Variants in DACH1 observed in about 807,000 individuals in gnomAD.
The protein encoded by DACH1 is dachshund family transcription factor 1.
In DACH1, 12 loss-of-function variants were observed where a neutral mutation model predicts 54.2. The observed-to-expected ratio is 0.22, with a 90% CI of 0.14 to 0.36. DACH1 has a LOEUF of 0.36. Among genes scored for constraint, DACH1 ranks in the 10% least tolerant of loss-of-function variants. The pLI is 1.00. For missense variants in DACH1, 805 were observed against 929.8 expected (o/e 0.87, Z 1.75); for synonymous variants, 386 against 366.2 (o/e 1.05, Z -0.62).
At chr13:71,657,261 C>T (rs2138641731) in intron 2 of DACH1, among the ~76,000 whole-genome samples, 1 of 151,854 alleles carries the variant, frequency 6.6e-6, no homozygotes, top group South Asian at 2.1e-4. Context: ...AAAATGCTTC[C>T]TAGGCCGGGT....
chr13:71,456,334 G>A (rs1196227464), intron 10 of DACH1, among the ~76,000 whole-genome samples: 1 of 151,994 alleles, frequency 6.6e-6, no homozygotes, highest in Admixed American at 6.6e-5. Context: ...CCTGGGTCAT[G>A]GTAACATAGG....
chr13:71,857,660 A>T (rs1874091357), intron 1 of DACH1, among the ~76,000 whole-genome samples: 1 of 151,700 alleles, frequency 6.6e-6, no homozygotes, highest in African/African-American at 2.4e-5. Context: ...ATTCATCCTC[A>T]TATAAAATGT....
chr13:71,575,745 T>G (rs1885488672), intron 3 of DACH1, among the ~76,000 whole-genome samples: 1 of 152,038 alleles, frequency 6.6e-6, no homozygotes, highest in Non-Finnish European at 1.5e-5. Context: ...CTATATTAGA[T>G]TTTCTCACTA....
chr13:71,636,124 C>G (rs1877473856), intron 2 of DACH1, among the ~76,000 whole-genome samples: 1 of 152,010 alleles, frequency 6.6e-6, no homozygotes, highest in African/African-American at 2.4e-5. Flanking sequence ...ATTTCTCCCT[C>G]AGAACTAGGC....
At position 71,749,898 on chromosome 13, in the gene DACH1, G is replaced by A. The variant is rs534284425; in HGVS notation, c.849-67988C>T. ...TAGATAAGCGGAGAGCTGAGGATCC[G>A]GAGAGGAATGATTGAAGAAAGGGAC... On this transcript the variant is annotated intron_variant, in intron 1 of 10. Transcript: ENST00000613252. 7.9e-5 allele frequency among the ~76,000 whole-genome samples: 12 copies of A among 152,214 alleles called. No homozygotes were observed. In the South Asian group the frequency reaches 1.0e-3, roughly 13 times the overall value.
At position 71,454,994 on chromosome 13, in the gene DACH1, C is replaced by T. The variant is rs535226374; in HGVS notation, c.2084-14302G>A. 4.6e-5 allele frequency among the ~76,000 whole-genome samples: 7 copies of T among 152,288 alleles called. No homozygotes were observed. In the South Asian group the frequency reaches 6.2e-4, roughly 14 times the overall value. On this transcript the variant is annotated intron_variant, in intron 10 of 10. Transcript: ENST00000613252. ...TTTAGTGTGTTAGTACCTCTGTTTG[C>T]TTTCTTCTGAAATACAGAGAAGATT...
intron 3 of DACH1, chr13:71,573,275 G>A: frequency 4.9e-6 from 3 of 608,438 alleles, no homozygotes; most frequent in Admixed American, 5.8e-5. Flanking sequence ...TCTGAATCTT[G>A]CTTAAAATAC....
intron 1 of DACH1, among the ~76,000 whole-genome samples, chr13:71,823,707 A>G (rs553052722): frequency 6.6e-6 from 1 of 152,008 alleles, no homozygotes; most frequent in African/African-American, 2.4e-5. Flanking sequence ...CCAAGTTATC[A>G]TAAAGTTGAA....
intron 2 of DACH1, among the ~76,000 whole-genome samples, chr13:71,643,299 A>G (rs748941360): frequency 9.9e-5 from 15 of 152,216 alleles, no homozygotes; most frequent in Non-Finnish European, 2.2e-4. Flanking sequence ...ACAGTCCTAC[A>G]AAGAGTTTCA....
chr13:71,646,253 C>T (rs1287535147), intron 2 of DACH1, among the ~76,000 whole-genome samples: 1 of 151,534 alleles, frequency 6.6e-6, no homozygotes, highest in East Asian at 2.0e-4. Flanking sequence ...AGGAGAATCA[C>T]TTGAACCCGG....
At chr13:71,794,709 A>T (rs1886974535) in intron 1 of DACH1, among the ~76,000 whole-genome samples, 1 of 152,212 alleles carries the variant, frequency 6.6e-6, no homozygotes, top group African/African-American at 2.4e-5. Flanking sequence ...AAGTGCTGGG[A>T]TTACAGGCGT....
intron 3 of DACH1, among the ~76,000 whole-genome samples, chr13:71,617,857 C>A (rs1243780518): frequency 6.6e-6 from 1 of 152,064 alleles, no homozygotes; most frequent in Non-Finnish European, 1.5e-5. Context: ...AACTGACAAA[C>A]AACTAGTCAA....
At chr13:71,587,322 A>C (rs181211886) in intron 3 of DACH1, among the ~76,000 whole-genome samples, 11 of 152,210 alleles carry the variant, frequency 7.2e-5, no homozygotes, top group Admixed American at 1.3e-4. Flanking sequence ...GTGGGATCTT[A>C]AATTGAATTG....
chr13:71,742,036 G>A (rs1483869637), intron 1 of DACH1, among the ~76,000 whole-genome samples: 2 of 152,060 alleles, frequency 1.3e-5, no homozygotes, highest in Non-Finnish European at 2.9e-5. Context: ...GAATCATGGG[G>A]GCCAGTCTTT....
chr13:71,795,193 T>A lies in DACH1; in HGVS notation c.848+70729A>T, dbSNP rs545057842. The stretch of plus-strand genomic sequence containing the variant: ...ATCAAAGCATTTACAAAATGTTTTT[T>A]TTTGTTTGTTTGTTTTTTAAGCTAA... On this transcript the variant is annotated intron_variant, in intron 1 of 10. Transcript: ENST00000613252. Among the ~76,000 whole-genome samples the A allele has an allele frequency of 7.2e-5, 11 of 152,260 alleles. No individual in the cohort carries two copies. In the South Asian group the frequency reaches 2.3e-3, roughly 32 times the overall value.
chr13:71,612,548 T>C (rs1875410932), intron 3 of DACH1, among the ~76,000 whole-genome samples: 1 of 152,112 alleles, frequency 6.6e-6, no homozygotes, highest in African/African-American at 2.4e-5. Context: ...GTCCAAACAG[T>C]AGACCCTGCC....
intron 6 of DACH1, among the ~76,000 whole-genome samples, chr13:71,530,898 A>G (rs1055796361): frequency 1.3e-5 from 2 of 152,162 alleles, no homozygotes; most frequent in Non-Finnish European, 2.9e-5. Flanking sequence ...AGTAAAAGAA[A>G]GAAAGAATTC....
intron 1 of DACH1, among the ~76,000 whole-genome samples, chr13:71,741,072 T>C (rs926669688): frequency 6.6e-6 from 1 of 152,138 alleles, no homozygotes; most frequent in African/African-American, 2.4e-5. Flanking sequence ...GAAAAACTAG[T>C]AGTAATTGTT....
At chr13:71,727,128 C>T (rs1883508179) in intron 1 of DACH1, among the ~76,000 whole-genome samples, 1 of 151,952 alleles carries the variant, frequency 6.6e-6, no homozygotes, top group South Asian at 2.1e-4. Flanking sequence ...ACTCAGGGTG[C>T]CTTTGAGGAT....
Sources: allele counts gnomAD v4.1 joint callset (sites outside exome capture counted in the v4.1 genomes callset), GRCh38; gene constraint gnomAD v4.1.1; transcripts MANE v1.5; gene names NCBI Gene and HGNC (gene_info 2026-07-23, HGNC 2026-07-21).